Variants in MCF2L2 observed in about 807,000 individuals in gnomAD.
The protein encoded by MCF2L2 is probable guanine nucleotide exchange factor MCF2L2.
MCF2L2 carries 102 observed loss-of-function variants against 150.2 expected under a neutral mutation model. That is an observed-to-expected ratio of 0.68 (90% CI 0.58 to 0.80). The LOEUF (loss-of-function observed/expected upper bound fraction) is 0.80, where lower values mean the gene tolerates loss of function less well. Among genes scored for constraint, MCF2L2 ranks in the 30% least tolerant of loss-of-function variants. MCF2L2 has a pLI of 0.00. For missense variants in MCF2L2, 1,256 were observed against 1,372.8 expected (o/e 0.91, Z 1.34); for synonymous variants, 465 against 491.3 (o/e 0.95, Z 0.71).
intron 3 of MCF2L2, among the ~76,000 whole-genome samples, chr3:183,352,883 G>A (rs1711558469): frequency 6.6e-6 from 1 of 152,218 alleles, no homozygotes; most frequent in Non-Finnish European, 1.5e-5. Flanking sequence ...CCTCTGTCTT[G>A]TAGAAATGCA....
At chr3:183,300,910 G>A (rs551337960) in intron 10 of MCF2L2, among the ~76,000 whole-genome samples, 89 of 151,162 alleles carry the variant, frequency 5.9e-4, no homozygotes, top group Admixed American at 2.1e-3. Flanking sequence ...AACTACTCAG[G>A]AGGCTGAGGC....
In MCF2L2 at chr3:183,357,833, T is replaced by C. The variant is rs1217685477; in HGVS notation, c.276-16203A>G. On this transcript the variant is annotated intron_variant, in intron 3 of 29. Coordinates refer to ENST00000328913, the MANE Select transcript of MCF2L2 (RefSeq NM_015078.4). ...TATTCTCTTCTCCATGATGTAAAGA[T>C]ATTTTTCAAAATGTCCAGAAAAAAA... is the stretch of plus-strand genomic sequence containing the variant. 2.7e-5 allele frequency among the ~76,000 whole-genome samples: 4 copies of C among 146,632 alleles called. No individual in the cohort carries two copies. In the East Asian group the frequency reaches 8.0e-4, roughly 29 times the overall value.
intron 3 of MCF2L2, among the ~76,000 whole-genome samples, chr3:183,348,023 C>G (rs913759320): frequency 6.6e-6 from 1 of 152,244 alleles, no homozygotes; most frequent in South Asian, 2.1e-4. Flanking sequence ...TCCAGAAATA[C>G]CATTTGACCC....
intron 15 of MCF2L2, among the ~76,000 whole-genome samples, chr3:183,261,503 A>G (rs1725580595): frequency 6.6e-6 from 1 of 152,190 alleles, no homozygotes; most frequent in African/African-American, 2.4e-5. Flanking sequence ...GAGGATATAA[A>G]GGAAATTTTT....
intron 2 of MCF2L2, among the ~76,000 whole-genome samples, chr3:183,388,453 GGCTGGTTA>G (rs2108596921): frequency 6.6e-6 from 1 of 152,334 alleles, no homozygotes; most frequent in African/African-American, 2.4e-5. Context: ...GCCTTCAGGA[GGCTGGTTA>G]GGTCCTCCCA....
Position 183,318,212 on chromosome 3 carries a change from G to C in MCF2L2, c.609C>G (p.Ile203Met). 1 of 1,614,180 alleles carries C rather than the reference G, an allele frequency of 6.2e-7. No homozygotes were observed. Reference protein sequence around the residue: ...HGQWVNHRTAIENFALTLKTT... With the variant: ...HGQWVNHRTAMENFALTLKTT... Reference sequence around the variant, plus strand: ...TCTTCAAGGTCAAGGCAAAGTTTTCGATGGCCTGGAAGGTCAGACAATTGT... The same window carrying C: ...TCTTCAAGGTCAAGGCAAAGTTTTCCATGGCCTGGAAGGTCAGACAATTGT... Residue 203 changes from isoleucine (I) to methionine (M), a missense_variant, in exon 7 of 30, where the codon ATC (isoleucine) becomes ATG (methionine). By Grantham distance (10) the Ile-to-Met change is conservative (BLOSUM62 1). Transcript: ENST00000328913.
At chr3:183,347,438 A>T (rs993051782) in intron 3 of MCF2L2, among the ~76,000 whole-genome samples, 1 of 152,238 alleles carries the variant, frequency 6.6e-6, no homozygotes, top group Non-Finnish European at 1.5e-5. Flanking sequence ...CATAAGACCT[A>T]AAACCATAAA....
In MCF2L2 at chr3:183,420,476, T is replaced by C. The variant is rs1715821715; in HGVS notation, c.76+7426A>G. 1.3e-5 allele frequency among the ~76,000 whole-genome samples: 2 copies of C among 152,132 alleles called. 1 individual carries two copies. The highest frequency in any genetic ancestry group is 4.1e-4 in the South Asian group (2 of 4,834). On this transcript the variant is annotated intron_variant, in intron 1 of 29. Coordinates refer to ENST00000328913, the MANE Select transcript of MCF2L2 (RefSeq NM_015078.4). ...AGCCGGGCGTTGTGGCGGTCACCTG[T>C]AATCCCAGCTAATTGGGAGGCTGAG...
intron 15 of MCF2L2, among the ~76,000 whole-genome samples, chr3:183,246,732 T>C (rs1724272152): frequency 6.6e-6 from 1 of 152,150 alleles, no homozygotes; most frequent in African/African-American, 2.4e-5. Context: ...ATAGGATCAT[T>C]CTATTTTTAA....
At chr3:183,260,436 C>T (rs2108415440) in intron 15 of MCF2L2, among the ~76,000 whole-genome samples, 1 of 152,292 alleles carries the variant, frequency 6.6e-6, no homozygotes, top group South Asian at 2.1e-4. Context: ...AGAATGAGCA[C>T]AGAGGGCCAA....
intron 15 of MCF2L2, among the ~76,000 whole-genome samples, chr3:183,239,579 C>G (rs1293669859): frequency 6.6e-6 from 1 of 151,968 alleles, no homozygotes; most frequent in Non-Finnish European, 1.5e-5. Flanking sequence ...CCCTGTCACC[C>G]CCCCTTCCCC....
At chr3:183,376,959 C>T (rs938013282) in intron 3 of MCF2L2, 1 of 152,154 alleles carries the variant, frequency 6.6e-6, no homozygotes, top group African/African-American at 2.4e-5. Flanking sequence ...GCACAAAGGT[C>T]AAAGTGATAT....
chr3:183,288,934 G>A (rs770214173), intron 14 of MCF2L2, among the ~76,000 whole-genome samples, 186 bp downstream of exon 14: 41 of 151,944 alleles, frequency 2.7e-4, no homozygotes, highest in African/African-American at 9.2e-4. Flanking sequence ...TCTAGCTGCC[G>A]TTAAGAAGAA....
At chr3:183,363,291 T>C (rs1184382185) in intron 3 of MCF2L2, among the ~76,000 whole-genome samples, 1 of 152,144 alleles carries the variant, frequency 6.6e-6, no homozygotes, top group Non-Finnish European at 1.5e-5. Context: ...ACTCTTACCA[T>C]AAGATCCATT....
At chr3:183,371,270 GACA>G (rs940101031) in intron 3 of MCF2L2, among the ~76,000 whole-genome samples, 2 of 152,154 alleles carry the variant, frequency 1.3e-5, no homozygotes, top group South Asian at 2.1e-4. Context: ...AGGAGGTCTT[GACA>G]ACAAGTGCCC....
intron 5 of MCF2L2, among the ~76,000 whole-genome samples, chr3:183,336,260 TAAG>T (rs547792314): frequency 4.6e-5 from 7 of 152,120 alleles, no homozygotes; most frequent in Non-Finnish European, 1.0e-4. Context: ...AAGCAAATGA[TAAG>T]AAATAATCAG....
intron 1 of MCF2L2, among the ~76,000 whole-genome samples, chr3:183,406,088 G>A (rs144192399): frequency 1.9e-4 from 29 of 152,218 alleles, no homozygotes; most frequent in Middle Eastern, 3.4e-3. Flanking sequence ...TTGAGTGACC[G>A]TGAGTTTTCA....
At chr3:183,418,059 G>A (rs913742071) in intron 1 of MCF2L2, among the ~76,000 whole-genome samples, 2 of 152,050 alleles carry the variant, frequency 1.3e-5, no homozygotes, top group Non-Finnish European at 2.9e-5. Flanking sequence ...GTGGTGGTGC[G>A]CACCTATAGT....
intron 7 of MCF2L2, among the ~76,000 whole-genome samples, chr3:183,314,629 A>AG (rs1159404581): frequency 6.6e-6 from 1 of 152,066 alleles, no homozygotes; most frequent in African/African-American, 2.4e-5. Flanking sequence ...CTAGTTGTTT[A>AG]GGAAAAAACA....
Sources: gnomAD v4.1 joint callset for allele counts (sites outside exome capture counted in the v4.1 genomes callset) on GRCh38, gnomAD v4.1.1 for gene constraint, MANE v1.5 for transcripts, NCBI Gene and HGNC (gene_info 2026-07-23, HGNC 2026-07-21) for gene names.